The following PARD3B variants were observed in gnomAD, a reference collection of about 807,000 sequenced individuals.
The protein encoded by PARD3B is par-3 family cell polarity regulator beta, also known as partitioning defective 3 homolog B.
Under a neutral mutation model 130.2 loss-of-function variants are expected in PARD3B, and 103 were observed. That is an observed-to-expected ratio of 0.79 (90% CI 0.67 to 0.93). The LOEUF is 0.93. Among genes scored for constraint, PARD3B ranks in the 40% least tolerant of loss-of-function variants. The pLI is 0.00. For missense variants in PARD3B, 1,609 were observed against 1,499.2 expected, an observed-to-expected ratio of 1.07 and a Z score of -1.21; for synonymous variants, 583 against 553.2, an observed-to-expected ratio of 1.05 and a Z score of -0.76.
Position 205,036,613 on chromosome 2 carries a change from A to T in PARD3B, c.395-10968A>T, listed in dbSNP as rs988939391. 6.1e-5 allele frequency among the ~76,000 whole-genome samples: 9 copies of T among 148,482 alleles called. No individual in the cohort carries two copies. The East Asian group carries it at 1.8e-3, about 29-fold the overall frequency. On this transcript the variant is annotated intron_variant, in intron 3 of 22. Coordinates refer to ENST00000406610, the MANE Select transcript of PARD3B (RefSeq NM_001302769.2). ...ACAGCGGACTGTATGTACAAAAAAT[A>T]TATATACACAGCGGACTGTATGTAC...
intron 2 of PARD3B, among the ~76,000 whole-genome samples, chr2:204,726,468 A>T (rs1219225347): frequency 6.6e-6 from 1 of 152,160 alleles, no homozygotes; most frequent in East Asian, 1.9e-4. Context: ...CTGTTTTATC[A>T]TCTACCCTTT....
At chr2:204,657,348 A>C (rs1031320838) in intron 1 of PARD3B, among the ~76,000 whole-genome samples, 2 of 152,144 alleles carry the variant, frequency 1.3e-5, no homozygotes, top group Non-Finnish European at 2.9e-5. Flanking sequence ...ATCTCTACCA[A>C]AAGAAAACAT....
chr2:205,161,438 A>G (rs1309914856), intron 11 of PARD3B, among the ~76,000 whole-genome samples: 1 of 152,156 alleles, frequency 6.6e-6, no homozygotes, highest in African/African-American at 2.4e-5. Flanking sequence ...AATGTTTAGT[A>G]TCCATTTGTC....
intron 2 of PARD3B, among the ~76,000 whole-genome samples, chr2:204,735,584 T>G (rs2039710740): frequency 6.6e-6 from 1 of 152,086 alleles, no homozygotes; most frequent in African/African-American, 2.4e-5. Context: ...AGATTTAGAG[T>G]TGAAAAAGTC....
At chr2:204,926,902 C>T (rs1687662051) in intron 2 of PARD3B, among the ~76,000 whole-genome samples, 1 of 151,936 alleles carries the variant, frequency 6.6e-6, no homozygotes, top group African/African-American at 2.4e-5. Flanking sequence ...TCTAAACATA[C>T]ATGACAAAAG....
In PARD3B at chr2:205,397,846, G is replaced by A. The variant is rs849227; in HGVS notation, c.2631-3167G>A. Among the ~76,000 whole-genome samples, 40,445 of 151,912 alleles carry A rather than the reference G, an allele frequency of 0.27. 8,431 individuals carry two copies. The highest frequency in any genetic ancestry group is 0.58 in the African/African-American group (24,009 of 41,400). ...ATGTACTGAGCTATTAACTTCTCAC[G>A]TAAACATACTTAGAGTAATAATGTT... On this transcript the variant is annotated intron_variant, in intron 18 of 22. Coordinates refer to ENST00000406610, the MANE Select transcript of PARD3B (RefSeq NM_001302769.2). This position sits in a 1 kb window ranked among gnomAD's most constrained non-coding sequence, Gnocchi z 4.8.
intron 2 of PARD3B, among the ~76,000 whole-genome samples, chr2:204,704,098 T>G (rs1052501150): frequency 3.9e-5 from 6 of 152,182 alleles, no homozygotes; most frequent in African/African-American, 1.4e-4. Flanking sequence ...AAAGTACACC[T>G]AAAATGTACC....
chr2:205,524,649 TACTTGGAGAATCCAAG>T (rs1320387233), intron 21 of PARD3B, among the ~76,000 whole-genome samples: 2 of 152,212 alleles, frequency 1.3e-5, no homozygotes, highest in African/African-American at 4.8e-5. Context: ...CTGTTACAGC[TACTTGGAGAATCCAAG>T]ACTTTCCAGG....
chr2:205,250,721 G>A (rs2039807351), intron 16 of PARD3B, among the ~76,000 whole-genome samples: 1 of 151,994 alleles, frequency 6.6e-6, no homozygotes, highest in Non-Finnish European at 1.5e-5. Flanking sequence ...TTGAGATCAG[G>A]AGTTTGAGAC....
chr2:204,697,820 G>A (rs999301194), intron 2 of PARD3B, among the ~76,000 whole-genome samples: 4 of 152,036 alleles, frequency 2.6e-5, no homozygotes, highest in Non-Finnish European at 4.4e-5. Flanking sequence ...GTGGCCCTTC[G>A]TCTGTTACTA....
intron 4 of PARD3B, among the ~76,000 whole-genome samples, chr2:205,061,380 A>C (rs2125455704): frequency 6.6e-6 from 1 of 152,146 alleles, no homozygotes; most frequent in East Asian, 1.9e-4. Context: ...CCACTGACTG[A>C]TTTGCTGGTC....
intron 2 of PARD3B, among the ~76,000 whole-genome samples, chr2:204,809,463 G>A (rs751579061): frequency 3.9e-5 from 6 of 152,084 alleles, no homozygotes; most frequent in Non-Finnish European, 7.4e-5. Context: ...TATGATATAA[G>A]GAAATGGTCC....
intron 3 of PARD3B, among the ~76,000 whole-genome samples, chr2:204,980,665 AC>A (rs769211023): frequency 6.6e-6 from 1 of 152,102 alleles, no homozygotes; most frequent in Non-Finnish European, 1.5e-5. Context: ...CCAAATCCAT[AC>A]CCCCAGGCTA....
intron 5 of PARD3B, among the ~76,000 whole-genome samples, chr2:205,106,510 T>C (rs1292229601): frequency 6.6e-6 from 1 of 151,520 alleles, no homozygotes; most frequent in Non-Finnish European, 1.5e-5. Context: ...TGTGTGTGTG[T>C]GTGTGTGTGT....
intron 18 of PARD3B, among the ~76,000 whole-genome samples, chr2:205,303,280 C>T (rs185963588): frequency 2.6e-5 from 4 of 152,300 alleles, no homozygotes; most frequent in Admixed American, 2.6e-4. Context: ...TAGGATTTTA[C>T]TTAACTGGCA....
chr2:204,576,336 T>C (rs2032258880), intron 1 of PARD3B, among the ~76,000 whole-genome samples: 1 of 152,112 alleles, frequency 6.6e-6, no homozygotes, highest in Admixed American at 6.5e-5. Context: ...CAAGGTACAT[T>C]TGAATGTGTC....
chr2:205,296,966 C>A (rs982676580), intron 16 of PARD3B, among the ~76,000 whole-genome samples: 1 of 151,546 alleles, frequency 6.6e-6, no homozygotes, highest in Admixed American at 6.6e-5. Context: ...TTTTATTATA[C>A]CACCTTGAGA....
chr2:205,574,531 G>A (rs940962623), intron 22 of PARD3B, among the ~76,000 whole-genome samples: 3 of 152,136 alleles, frequency 2.0e-5, no homozygotes, highest in South Asian at 4.2e-4. Context: ...GAATAATTCC[G>A]GAAAGATCTA....
At chr2:205,108,200 A>C (rs945606926) in intron 5 of PARD3B, among the ~76,000 whole-genome samples, 2 of 152,174 alleles carry the variant, frequency 1.3e-5, no homozygotes, top group African/African-American at 4.8e-5. Flanking sequence ...GATTATTGCA[A>C]TAATTTAGTA....
Sources: gnomAD v4.1 joint callset for allele counts (sites outside exome capture counted in the v4.1 genomes callset) on GRCh38, gnomAD v4.1.1 for gene constraint, Gnocchi (gnomAD v3.1) non-coding constraint, MANE v1.5 for transcripts, NCBI Gene and HGNC (gene_info 2026-07-23, HGNC 2026-07-21) for gene names.